Variants in MTA3 observed in about 807,000 individuals in gnomAD.
MTA3 encodes the protein metastasis associated 1 family member 3, also known as metastasis-associated protein MTA3.
In MTA3, 34 loss-of-function variants were observed where a neutral mutation model predicts 83.5. That is an observed-to-expected ratio of 0.41 (90% confidence interval 0.31 to 0.54). The LOEUF (loss-of-function observed/expected upper bound fraction) is 0.54. Ranked by LOEUF, MTA3 falls within the 20% of genes least tolerant of loss-of-function variation. MTA3 has a pLI of 0.33. For missense variants in MTA3, 761 were observed against 726.4 expected (o/e 1.05, Z -0.55); for synonymous variants, 303 against 252.7 (o/e 1.20, Z -1.89).
chr2:42,693,539 G>A (rs530400245), intron 9 of MTA3, among the ~76,000 whole-genome samples: 1 of 152,282 alleles, frequency 6.6e-6, no homozygotes, highest in South Asian at 2.1e-4. Context: ...TATTGGGGGT[G>A]GGGGTAGTTC....
At chr2:42,716,403 T>C (rs1198026177) in intron 14 of MTA3, among the ~76,000 whole-genome samples, 2 of 152,202 alleles carry the variant, frequency 1.3e-5, no homozygotes, top group African/African-American at 2.4e-5. Flanking sequence ...CAAGGGGGTT[T>C]GTTGTACAGA....
intron 2 of MTA3, among the ~76,000 whole-genome samples, chr2:42,577,105 A>AAAATATAT (rs1211189566): frequency 3.3e-4 from 29 of 86,938 alleles, no homozygotes; most frequent in African/African-American, 1.5e-3. Context: ...AAAAAAAAAA[A>AAAATATAT]ATATATATAT....
chr2:42,710,901 A>C (rs936206125), intron 14 of MTA3, among the ~76,000 whole-genome samples: 9 of 151,876 alleles, frequency 5.9e-5, no homozygotes, highest in Non-Finnish European at 4.4e-5. Context: ...CAACATGGTG[A>C]AGCCTCATCT....
In MTA3 at chr2:42,697,382, CAG is replaced by C. The variant is rs113912244; in HGVS notation, c.967-377_967-376del. On this transcript the variant is annotated intron_variant, in intron 10 of 16. Transcript: ENST00000405094. ...TAATCTCTGAATATTTTTCTAAAAG[CAG>C]AGAGAGAGAGAGAGAGTGAGAGTGT... Among the ~76,000 whole-genome samples the C allele has an allele frequency of 2.5e-3, 369 of 147,762 alleles. 2 individuals are homozygous for C. Among genetic ancestry groups the C allele is most frequent in the African/African-American group, 2.5e-3 (102 of 40,870 alleles).
intron 2 of MTA3, among the ~76,000 whole-genome samples, chr2:42,536,311 TAAG>T (rs1676231964): frequency 6.6e-6 from 1 of 151,684 alleles, no homozygotes; most frequent in Non-Finnish European, 1.5e-5. Context: ...CCGTCTCTAA[TAAG>T]AATACAAAAA....
At chr2:42,571,232 T>TA (rs1385443584) in intron 2 of MTA3, among the ~76,000 whole-genome samples, 1 of 150,710 alleles carries the variant, frequency 6.6e-6, no homozygotes, top group African/African-American at 2.4e-5. Context: ...CTGTTTCTAC[T>TA]AAAAAAGTAC....
intron 9 of MTA3, among the ~76,000 whole-genome samples, chr2:42,691,679 C>T (rs987270119): frequency 6.6e-6 from 1 of 152,128 alleles, no homozygotes; most frequent in African/African-American, 2.4e-5. Flanking sequence ...AAAGAACTCC[C>T]TTTAGCACTT....
intron 2 of MTA3, among the ~76,000 whole-genome samples, chr2:42,527,840 A>G (rs1310347231): frequency 1.3e-5 from 2 of 151,836 alleles, no homozygotes; most frequent in African/African-American, 4.8e-5. Context: ...AAAAAAAACA[A>G]AAACAAGTGC....
chr2:42,671,944 A>G (rs1690832559), intron 8 of MTA3, among the ~76,000 whole-genome samples: 1 of 152,206 alleles, frequency 6.6e-6, no homozygotes, highest in Admixed American at 6.5e-5. Flanking sequence ...ATAGCAGTCT[A>G]GAAAATACCC....
intron 3 of MTA3, among the ~76,000 whole-genome samples, chr2:42,594,724 A>ATTTTTTTT (rs1290668170): frequency 2.2e-4 from 7 of 31,256 alleles, no homozygotes; most frequent in African/African-American, 1.6e-3. Flanking sequence ...ATATATATAT[A>ATTTTTTTT]TATATTTTTT....
chr2:42,501,927 G>A (rs1216313084), intron 2 of MTA3, among the ~76,000 whole-genome samples: 1 of 152,068 alleles, frequency 6.6e-6, no homozygotes, highest in Non-Finnish European at 1.5e-5. Context: ...GAGGTGAGCC[G>A]AGATCGTGCC....
intron 15 of MTA3, among the ~76,000 whole-genome samples, chr2:42,719,438 C>G (rs1235166402): frequency 6.6e-6 from 1 of 152,234 alleles, no homozygotes; most frequent in Non-Finnish European, 1.5e-5. Flanking sequence ...CTGTTTCTAA[C>G]TCACCTCACC....
intron 2 of MTA3, among the ~76,000 whole-genome samples, chr2:42,538,495 G>A (rs1040519197): frequency 7.2e-5 from 11 of 151,898 alleles, no homozygotes; most frequent in Admixed American, 7.2e-4. Context: ...ATCACCTGAG[G>A]TGAGGAGTTC....
At chr2:42,559,542 T>G (rs1422397088) in intron 2 of MTA3, among the ~76,000 whole-genome samples, 1 of 151,376 alleles carries the variant, frequency 6.6e-6, no homozygotes. Context: ...ATTTCATCTC[T>G]TATATTCAAT....
At chr2:42,667,898 T>C (rs1333919062) in intron 8 of MTA3, among the ~76,000 whole-genome samples, 2 of 152,222 alleles carry the variant, frequency 1.3e-5, no homozygotes, top group Non-Finnish European at 2.9e-5. Flanking sequence ...TTGACTGTTG[T>C]GAATAACCCT....
rs576411622 is a variant in MTA3, at chr2:42,554,126, C to T, written c.-140-16311C>T. 5.3e-5 allele frequency among the ~76,000 whole-genome samples: 8 copies of T among 151,868 alleles called. No individual in the cohort carries two copies. The East Asian group carries it at 7.8e-4, about 15-fold the overall frequency. ...GTGCATGCCTGTAATCCCAGCTACT[C>T]GGGAAGCTGAGGTACGGGAATCGCT... On this transcript the variant is annotated intron_variant, in intron 2 of 17. Transcript: ENST00000405592.
chr2:42,609,861 G>A (rs1372577160), intron 4 of MTA3, among the ~76,000 whole-genome samples: 1 of 152,190 alleles, frequency 6.6e-6, no homozygotes, highest in Non-Finnish European at 1.5e-5. Context: ...CACTTTGGGA[G>A]GCTGAGGCGG....
At position 42,579,096 on chromosome 2, in the gene MTA3, T is replaced by C; in HGVS notation, c.97-11T>C. The C allele has an allele frequency of 6.3e-7, 1 of 1,575,034 alleles. No homozygotes were observed. Among genetic ancestry groups the C allele is most frequent in the Non-Finnish European group, 8.6e-7 (1 of 1,159,722 alleles). On this transcript the variant is annotated splice_polypyrimidine_tract_variant and intron_variant, in intron 2 of 16. Coordinates refer to ENST00000405094, the MANE Select transcript of MTA3 (RefSeq NM_001330442.2). ...TCAGTGCAAATGACTTTTATTTTTC[T>C]TATCTCTTAGACTGCAAGTGGCAAC...
intron 3 of MTA3, among the ~76,000 whole-genome samples, chr2:42,590,365 A>G (rs569004069): frequency 2.0e-5 from 3 of 152,240 alleles, no homozygotes; most frequent in East Asian, 3.9e-4. Flanking sequence ...AAAAAGAACC[A>G]GCACACCTCC....
Sources: allele counts gnomAD v4.1 joint callset (sites outside exome capture counted in the v4.1 genomes callset), GRCh38; gene constraint gnomAD v4.1.1; transcripts MANE v1.5; gene names NCBI Gene and HGNC (gene_info 2026-07-23, HGNC 2026-07-21).